Variants in ECE1 observed in about 807,000 individuals in gnomAD.
The protein encoded by ECE1 is endothelin converting enzyme 1.
ECE1 carries 35 observed loss-of-function variants against 98.6 expected under a neutral mutation model. That is an observed-to-expected ratio of 0.35 (90% CI 0.27 to 0.47). The LOEUF (loss-of-function observed/expected upper bound fraction) is 0.47. ECE1 is among the 20% of genes least tolerant of loss of function. The pLI, the probability that ECE1 is intolerant of heterozygous loss-of-function variation, is 1.00. For missense variants in ECE1, 814 were observed against 1,025.3 expected (o/e 0.79, Z 2.81); for synonymous variants, 394 against 407.1 (o/e 0.97, Z 0.39).
chr1:21,320,366 C>T (rs547766900), intron 1 of ECE1, among the ~76,000 whole-genome samples: 5 of 152,244 alleles, frequency 3.3e-5, no homozygotes, highest in South Asian at 2.1e-4. Context: ...GAGAGGTAGG[C>T]GCTAAGCACG....
At chr1:21,342,568 A>G (rs911713575) in intron 1 of ECE1, among the ~76,000 whole-genome samples, 1 of 151,600 alleles carries the variant, frequency 6.6e-6, no homozygotes, top group Non-Finnish European at 1.5e-5. Flanking sequence ...AGTGAGGACA[A>G]CAGGAAACAC....
chr1:21,234,004 T>G (rs1052773029), intron 13 of ECE1, among the ~76,000 whole-genome samples: 3 of 152,106 alleles, frequency 2.0e-5, no homozygotes, highest in African/African-American at 4.8e-5. Context: ...CTTTTTTTTT[T>G]GAGACGGGAA....
chr1:21,293,235 T>A (rs1398686841), upstream of ECE1: 3 of 152,162 alleles, frequency 2.0e-5, no homozygotes, highest in East Asian at 1.9e-4. Flanking sequence ...TGGCTCCTCC[T>A]CCTTCTGTCT....
intron 1 of ECE1, among the ~76,000 whole-genome samples, chr1:21,308,119 C>T (rs35696560): frequency 0.067 from 10,164 of 152,304 alleles, 472 homozygotes; most frequent in Middle Eastern, 0.11. Context: ...TACCTCCAGA[C>T]CTCTGCTCAT....
Position 21,260,081 on chromosome 1 carries a change from C to T in ECE1, c.615+190G>A, listed in dbSNP as rs1455715203. Among the ~76,000 whole-genome samples the T allele has an allele frequency of 2.6e-5, 4 of 152,272 alleles. No individual in the cohort carries two copies. The highest frequency in any genetic ancestry group is 2.4e-5 in the African/African-American group (1 of 41,478). ...AACACATGCACAGACAACCCACCCA[C>T]GCAGCTACGCAATGTGCTCACACTC... On this transcript the variant is annotated intron_variant, in intron 5 of 18. Transcript: ENST00000374893. This position sits in a 1 kb window ranked among gnomAD's most constrained non-coding sequence, Gnocchi z 4.3.
intron 3 of ECE1, among the ~76,000 whole-genome samples, chr1:21,277,482 T>A (rs796093561): frequency 5.9e-5 from 9 of 151,876 alleles, no homozygotes; most frequent in African/African-American, 1.7e-4. Context: ...CAGGAGGGGG[T>A]TCAGAACTAG....
intron 2 of ECE1, among the ~76,000 whole-genome samples, chr1:21,287,960 GA>G (rs71569828): frequency 0.15 from 21,560 of 139,480 alleles, 2,455 homozygotes; most frequent in African/African-American, 0.33. Flanking sequence ...TTACACTGGG[GA>G]AAAAAAAAAA....
chr1:21,275,839 A>C (rs2098245874), intron 3 of ECE1, among the ~76,000 whole-genome samples: 2 of 148,376 alleles, frequency 1.3e-5, no homozygotes, highest in Non-Finnish European at 1.5e-5. Flanking sequence ...ACCTTCATCG[A>C]CCCCCTTCCC....
chr1:21,228,034 T>C lies in ECE1; in HGVS notation c.1678A>G (p.Met560Val), dbSNP rs1453649899. The C allele has an allele frequency of 1.9e-6, 3 of 1,560,026 alleles. No individual in the cohort carries two copies. The highest frequency in any genetic ancestry group is 1.2e-5 in the South Asian group (1 of 84,638). ...TAGGCGTTCACCATGGGCGGGGTCATGCTCCACCTGCAAGCAACACACATG... is the reference window on the plus strand; with the variant it reads ...TAGGCGTTCACCATGGGCGGGGTCACGCTCCACCTGCAAGCAACACACATG... ...RKAPNRDQWS[M>V]TPPMVNAYYS... is the part of the protein sequence containing the mutation. The change falls in exon 15 of 19, where the codon ATG becomes GTG. Residue 560 changes from methionine (M) to valine (V), a missense_variant. Physicochemically the swap from Met to Val is conservative, Grantham distance 21. This residue lies in a region of ECE1 where 452 missense variants were observed against 567.3 expected (regional missense o/e 0.80). Coordinates refer to ENST00000374893, the MANE Select transcript of ECE1 (RefSeq NM_001397.3).
intron 1 of ECE1, among the ~76,000 whole-genome samples, chr1:21,314,004 A>G (rs1416549826): frequency 6.6e-6 from 1 of 152,204 alleles, no homozygotes; most frequent in Non-Finnish European, 1.5e-5. Flanking sequence ...TGCAGCTGCT[A>G]AACGGTAACA....
At chr1:21,299,079 G>A (rs1391389712) in intron 1 of ECE1, 5 of 343,332 alleles carry the variant, frequency 1.5e-5, no homozygotes, top group Non-Finnish European at 2.3e-5. Flanking sequence ...ATCTAATCAC[G>A]TACAACTTAA....
In ECE1 at chr1:21,290,207, C is replaced by T; in HGVS notation, c.52-51G>A. 1 of 1,471,884 alleles carries T rather than the reference C, an allele frequency of 6.8e-7. No individual in the cohort carries two copies. Among genetic ancestry groups the T allele is most frequent in the Non-Finnish European group, 9.0e-7 (1 of 1,108,796 alleles). 91.2% of individuals were successfully genotyped at this position (1,471,884 alleles called of 1,614,324 possible). A position where few individuals can be genotyped will look rare whatever the true frequency, so the allele number is the denominator to read the frequency against. ...TCCCTCAGCGCCTCCATGGCTCTCG[C>T]GCCCGAATGGGGAAGCGGCCCCGAC... On this transcript the variant is annotated intron_variant, in intron 1 of 18. Transcript: ENST00000374893. This position sits in a 1 kb window ranked among gnomAD's most constrained non-coding sequence, Gnocchi z 7.3.
intron 10 of ECE1, among the ~76,000 whole-genome samples, chr1:21,240,439 A>C (rs1325293434): frequency 6.6e-6 from 1 of 152,094 alleles, no homozygotes; most frequent in Non-Finnish European, 1.5e-5. Flanking sequence ...GTGAGCTGAG[A>C]TCATACCACA....
intron 9 of ECE1, 112 bp downstream of exon 9, chr1:21,247,109 C>A: frequency 1.3e-6 from 2 of 1,496,852 alleles, no homozygotes; most frequent in Non-Finnish European, 1.9e-6. Flanking sequence ...TCGTAAAAGC[C>A]CGCCCAGGTC....
intron 1 of ECE1, among the ~76,000 whole-genome samples, chr1:21,309,779 TTTC>T (rs1238425899): frequency 4.2e-5 from 6 of 142,960 alleles, no homozygotes; most frequent in Middle Eastern, 3.6e-3. Context: ...TTTTTTTTTC[TTTC>T]TTTTTTTTTT....
intron 16 of ECE1, among the ~76,000 whole-genome samples, chr1:21,226,764 C>T (rs1198766879): frequency 6.6e-6 from 1 of 152,178 alleles, no homozygotes; most frequent in Non-Finnish European, 1.5e-5. Context: ...CTCGCTCTGT[C>T]ACCCAGGCTG....
chr1:21,323,220 T>C (rs1325946549), intron 1 of ECE1, among the ~76,000 whole-genome samples: 1 of 151,650 alleles, frequency 6.6e-6, no homozygotes, highest in Non-Finnish European at 1.5e-5. Context: ...ACCTCAAGAG[T>C]GGATAAGCTG....
intron 1 of ECE1, among the ~76,000 whole-genome samples, chr1:21,332,956 C>T (rs1384423194): frequency 6.6e-6 from 1 of 152,130 alleles, no homozygotes; most frequent in African/African-American, 2.4e-5. Context: ...TTCTTGGAGT[C>T]TAGCACCAGA....
At position 21,272,793 on chromosome 1, in the gene ECE1, C is replaced by G; in HGVS notation, c.399G>C (p.Trp133Cys). 6.2e-7 allele frequency: 1 copy of G among 1,614,270 alleles called. No homozygotes were observed. Among genetic ancestry groups the G allele is most frequent in the Non-Finnish European group, 8.5e-7 (1 of 1,180,048 alleles). The change falls in exon 4 of 19, where the codon TGG becomes TGC. Residue 133 changes from tryptophan (W) to cysteine (C), a missense_variant. Physicochemically the swap from Trp to Cys is radical, Grantham distance 215. Transcript: ENST00000374893. Reference protein sequence around the residue: ...HDFFSYACGGWIKANPVPDGH... With the variant: ...HDFFSYACGGCIKANPVPDGH... ...CATCAGGGACTGGGTTGGCCTTGAT[C>G]CAGCCCCCACAGGCGTAGCTGAAGA...
Sources: allele counts gnomAD v4.1 joint callset (sites outside exome capture counted in the v4.1 genomes callset), GRCh38; gene constraint gnomAD v4.1.1; regional missense constraint gnomAD v4.1.1; non-coding constraint Gnocchi (gnomAD v3.1); transcripts MANE v1.5; gene names NCBI Gene and HGNC (gene_info 2026-07-23, HGNC 2026-07-21).